Variants in TDRD3 observed in about 807,000 individuals in gnomAD.
TDRD3 encodes tudor domain-containing protein 3.
A neutral mutation model predicts 86.7 loss-of-function variants in TDRD3; 45 were observed. The observed-to-expected ratio is 0.52, with a 90% CI of 0.41 to 0.67. TDRD3 has a LOEUF of 0.67. TDRD3 is among the 30% of genes least tolerant of loss of function. The pLI is 0.00. For synonymous variants in TDRD3, 298 were observed against 301.7 expected, an observed-to-expected ratio of 0.99 and a Z score of 0.13; for missense variants, 814 against 889.0, an observed-to-expected ratio of 0.92 and a Z score of 1.07.
intron 8 of TDRD3, among the ~76,000 whole-genome samples, chr13:60,501,148 C>T (rs1449479443): frequency 6.6e-6 from 1 of 152,210 alleles, no homozygotes; most frequent in Non-Finnish European, 1.5e-5. Flanking sequence ...CACTCACTAT[C>T]TGCCTAAGTA....
In TDRD3 at chr13:60,397,251, A is replaced by C. The variant is rs1594881743; in HGVS notation, c.-114A>C. The stretch of plus-strand genomic sequence containing the variant: ...CATGCCCAGTTGCAGAGCCGACCAG[A>C]GGAGTTTTTTCTTTTCTTTTCTTTT... On this transcript the variant is annotated 5_prime_UTR_variant, in exon 1 of 14. Transcript: ENST00000377881. 1.8e-6 allele frequency: 1 copy of C among 568,412 alleles called. No individual in the cohort carries two copies. The highest frequency in any genetic ancestry group is 3.5e-5 in the East Asian group (1 of 28,404). The allele number at this position is 568,412 out of a possible 1,614,324, so 35.2% of individuals were successfully genotyped here. A position where few individuals can be genotyped will look rare whatever the true frequency, so the allele number is the denominator to read the frequency against.
At chr13:60,516,785 C>T (rs1957181454) in intron 10 of TDRD3, among the ~76,000 whole-genome samples, 1 of 152,194 alleles carries the variant, frequency 6.6e-6, no homozygotes, top group Admixed American at 6.5e-5. Context: ...ATCATTTCCA[C>T]CTTCACTGCC....
chr13:60,504,237 A>G (rs1187655853), intron 8 of TDRD3, among the ~76,000 whole-genome samples: 3 of 152,212 alleles, frequency 2.0e-5, no homozygotes, highest in Non-Finnish European at 4.4e-5. Flanking sequence ...TACTGTTTTT[A>G]TACACCTTGC....
At chr13:60,427,357 C>CTGT (rs3081885) in intron 1 of TDRD3, among the ~76,000 whole-genome samples, 47,073 of 151,698 alleles carry the variant, frequency 0.31, 7,479 homozygotes, top group South Asian at 0.36. Context: ...GATTTTTGTT[C>CTGT]TGTTTTACAC....
rs147978204 is a variant in TDRD3 at position 60,484,637 on chromosome 13, A to T, written c.567+791A>T. ...TCTCACTTAAATAAGTCATTTTTGC[A>T]TCAAACCTATTTTGAAGCATTTAAA... On this transcript the variant is annotated intron_variant, in intron 6 of 13. Transcript: ENST00000377881. 1.5e-3 allele frequency: 670 copies of T among 438,166 alleles called. 7 individuals carry two copies. The highest frequency in any genetic ancestry group is 0.013 in the African/African-American group (624 of 48,640). The allele number at this position is 438,166 out of a possible 1,614,324, so 27.1% of individuals were successfully genotyped here.
chr13:60,521,821 C>T (rs577337992), intron 10 of TDRD3, among the ~76,000 whole-genome samples: 24 of 152,088 alleles, frequency 1.6e-4, no homozygotes, highest in African/African-American at 4.8e-4. Context: ...CACTTGAACC[C>T]GGGAGGTGGA....
At chr13:60,510,040 A>G in intron 9 of TDRD3, 121 bp downstream of exon 9, 1 of 1,154,028 alleles carries the variant, frequency 8.7e-7, no homozygotes, top group Non-Finnish European at 1.2e-6. Flanking sequence ...TGGTAAGTGG[A>G]AGGAACACCA....
intron 12 of TDRD3, among the ~76,000 whole-genome samples, chr13:60,565,810 A>G (rs1269872284): frequency 1.3e-5 from 2 of 152,202 alleles, no homozygotes; most frequent in Non-Finnish European, 2.9e-5. Flanking sequence ...TTTAGCTATA[A>G]TACTTGAAAA....
At chr13:60,533,158 C>T (rs1271510292) in intron 11 of TDRD3, among the ~76,000 whole-genome samples, 1 of 152,166 alleles carries the variant, frequency 6.6e-6, no homozygotes, top group Non-Finnish European at 1.5e-5. Flanking sequence ...AGTACAGCAT[C>T]ATGTCTCTAA....
intron 7 of TDRD3, among the ~76,000 whole-genome samples, chr13:60,486,541 G>A (rs909098884): frequency 2.6e-5 from 4 of 152,064 alleles, no homozygotes; most frequent in African/African-American, 7.2e-5. Context: ...ATTTTGATAC[G>A]TGTATACAAT....
At chr13:60,571,333 T>C (rs997758843) in intron 13 of TDRD3, among the ~76,000 whole-genome samples, 1 of 152,206 alleles carries the variant, frequency 6.6e-6, no homozygotes, top group Non-Finnish European at 1.5e-5. Flanking sequence ...TAACGGAATA[T>C]ATTCTTGAGA....
intron 3 of TDRD3, among the ~76,000 whole-genome samples, chr13:60,447,600 A>G (rs1191585623): frequency 6.6e-6 from 1 of 152,160 alleles, no homozygotes; most frequent in East Asian, 1.9e-4. Flanking sequence ...GGATTCAATA[A>G]ATAAGGTAAG....
intron 3 of TDRD3, among the ~76,000 whole-genome samples, chr13:60,449,936 T>G (rs908850714): frequency 6.6e-6 from 1 of 152,100 alleles, no homozygotes; most frequent in Non-Finnish European, 1.5e-5. Flanking sequence ...TGATCTTTTT[T>G]GGCACAAGCA....
chr13:60,554,565 AT>A (rs1958144611), intron 12 of TDRD3, among the ~76,000 whole-genome samples: 1 of 152,164 alleles, frequency 6.6e-6, no homozygotes. Context: ...AAATAATCTT[AT>A]GGATAAACTT....
chr13:60,471,596 C>A (rs576467746), intron 5 of TDRD3, among the ~76,000 whole-genome samples: 1 of 152,072 alleles, frequency 6.6e-6, no homozygotes, highest in Non-Finnish European at 1.5e-5. Flanking sequence ...CTATTGACCA[C>A]TCAGTATTGA....
At chr13:60,435,125 G>A (rs1955058007) in intron 1 of TDRD3, among the ~76,000 whole-genome samples, 1 of 152,034 alleles carries the variant, frequency 6.6e-6, no homozygotes, top group African/African-American at 2.4e-5. Context: ...TGTGACAATC[G>A]TCCAGTATTA....
chr13:60,486,374 C>T (rs1390658638), intron 7 of TDRD3, among the ~76,000 whole-genome samples: 1 of 152,128 alleles, frequency 6.6e-6, no homozygotes, highest in Non-Finnish European at 1.5e-5. Context: ...GCGGATCTGT[C>T]ACTGTGTCAG....
chr13:60,443,613 TA>T (rs768038034), intron 2 of TDRD3, among the ~76,000 whole-genome samples: 6 of 151,956 alleles, frequency 3.9e-5, no homozygotes, highest in Non-Finnish European at 7.4e-5. Context: ...TGGTAGGTGT[TA>T]AAAGAAGATG....
At chr13:60,429,612 C>G (rs1954902303) in intron 1 of TDRD3, among the ~76,000 whole-genome samples, 1 of 152,238 alleles carries the variant, frequency 6.6e-6, no homozygotes, top group Non-Finnish European at 1.5e-5. Flanking sequence ...AAAAAACTTT[C>G]AATTGTAAAA....
Sources: gnomAD v4.1 joint callset for allele counts (sites outside exome capture counted in the v4.1 genomes callset) on GRCh38, gnomAD v4.1.1 for gene constraint, MANE v1.5 for transcripts, NCBI Gene and HGNC (gene_info 2026-07-23, HGNC 2026-07-21) for gene names.